Variants in SLX4IP observed in about 807,000 individuals in gnomAD.
SLX4IP encodes protein SLX4IP.
Under a neutral mutation model 32.9 loss-of-function variants are expected in SLX4IP, and 34 were observed. The observed-to-expected ratio is 1.03, with a 90% CI of 0.79 to 1.38. The LOEUF (loss-of-function observed/expected upper bound fraction) is 1.38. SLX4IP is among the 40% of genes most tolerant of loss of function. SLX4IP has a pLI of 0.00. For missense variants in SLX4IP, 444 were observed against 479.0 expected, an observed-to-expected ratio of 0.93 and a Z score of 0.68; for synonymous variants, 172 against 171.7, an observed-to-expected ratio of 1.00 and a Z score of -0.01.
In SLX4IP at chr20:10,574,538, T is replaced by C. The variant is rs140453160; in HGVS notation, c.238+13718T>C. Among the ~76,000 whole-genome samples the C allele has an allele frequency of 2.8e-3, 427 of 152,248 alleles. 1 individual carries two copies. Among genetic ancestry groups the C allele is most frequent in the African/African-American group, 9.7e-3 (405 of 41,550 alleles). On this transcript the variant is annotated intron_variant, in intron 4 of 7. Transcript: ENST00000334534. ...TTTTATGGTGACACAACTCCAGTAT[T>C]ACTTTTGCATCTGCTTGGGCTTGTT...
At chr20:10,445,896 G>C (rs1375213655) in intron 1 of SLX4IP, among the ~76,000 whole-genome samples, 2 of 148,816 alleles carry the variant, frequency 1.3e-5, no homozygotes, top group Admixed American at 1.3e-4. Flanking sequence ...AAACTGCTGG[G>C]ATTACAGCCA....
chr20:10,577,052 A>AT (rs1277778238), intron 4 of SLX4IP, among the ~76,000 whole-genome samples: 1 of 152,144 alleles, frequency 6.6e-6, no homozygotes, highest in Non-Finnish European at 1.5e-5. Context: ...AATTCTCATT[A>AT]TTTACAAGAA....
At chr20:10,525,304 C>A (rs1054746042) in intron 2 of SLX4IP, among the ~76,000 whole-genome samples, 1 of 152,064 alleles carries the variant, frequency 6.6e-6, no homozygotes, top group Admixed American at 6.5e-5. Context: ...CTCTTTTTAC[C>A]TGTTTATACA....
chr20:10,503,122 C>G (rs1233574111), intron 2 of SLX4IP, among the ~76,000 whole-genome samples: 1 of 152,216 alleles, frequency 6.6e-6, no homozygotes, highest in Non-Finnish European at 1.5e-5. Context: ...ACCCTGCCAT[C>G]TGTCCTCCCA....
At chr20:10,600,709 G>C (rs1042215156) in intron 5 of SLX4IP, among the ~76,000 whole-genome samples, 3 of 152,106 alleles carry the variant, frequency 2.0e-5, no homozygotes, top group Non-Finnish European at 4.4e-5. Context: ...GTACCTAAAA[G>C]GCTTTACTCA....
intron 1 of SLX4IP, among the ~76,000 whole-genome samples, chr20:10,441,414 G>GC (rs1184056772): frequency 6.6e-6 from 1 of 152,100 alleles, no homozygotes; most frequent in African/African-American, 2.4e-5. Flanking sequence ...TGCAGCCCGG[G>GC]CAACAGACCG....
intron 6 of SLX4IP, among the ~76,000 whole-genome samples, chr20:10,620,444 G>C (rs942410429): frequency 6.6e-6 from 1 of 152,188 alleles, no homozygotes; most frequent in African/African-American, 2.4e-5. Flanking sequence ...GTGGTGGTTA[G>C]TATAAGGAAA....
chr20:10,569,724 A>G (rs975246393), intron 4 of SLX4IP, among the ~76,000 whole-genome samples: 1 of 152,070 alleles, frequency 6.6e-6, no homozygotes, highest in East Asian at 1.9e-4. Context: ...AGATTAAAGT[A>G]TTGGCAAGTT....
intron 1 of SLX4IP, among the ~76,000 whole-genome samples, chr20:10,444,560 T>C (rs1324272900): frequency 6.6e-6 from 1 of 152,206 alleles, no homozygotes; most frequent in East Asian, 1.9e-4. Flanking sequence ...GTATTTTTAG[T>C]AGAGGTGGGG....
chr20:10,589,584 G>A (rs1250291377), intron 4 of SLX4IP, among the ~76,000 whole-genome samples: 1 of 152,122 alleles, frequency 6.6e-6, no homozygotes, highest in Non-Finnish European at 1.5e-5. Context: ...TGACAGACCT[G>A]GCAACCAGGG....
intron 4 of SLX4IP, among the ~76,000 whole-genome samples, chr20:10,598,283 A>G (rs746931443): frequency 5.3e-4 from 81 of 152,194 alleles, no homozygotes; most frequent in Non-Finnish European, 7.2e-4. Flanking sequence ...AATTATTATT[A>G]TTTTAGATAG....
At chr20:10,548,272 T>C (rs1391309293) in intron 2 of SLX4IP, among the ~76,000 whole-genome samples, 2 of 152,034 alleles carry the variant, frequency 1.3e-5, no homozygotes, top group Non-Finnish European at 2.9e-5. Context: ...GGAGTCTCGC[T>C]CTGTCGCCCA....
chr20:10,450,250 T>C (rs2065231138), intron 1 of SLX4IP, among the ~76,000 whole-genome samples: 1 of 152,236 alleles, frequency 6.6e-6, no homozygotes, highest in Non-Finnish European at 1.5e-5. Context: ...CCTGGTTCCA[T>C]GTCTAGCTGA....
At chr20:10,545,039 T>C (rs529217020) in intron 2 of SLX4IP, among the ~76,000 whole-genome samples, 21 of 152,228 alleles carry the variant, frequency 1.4e-4, no homozygotes, top group Admixed American at 5.9e-4. Flanking sequence ...ATTGAGTAGG[T>C]CTGAGTAGGA....
At chr20:10,591,957 C>T (rs947598331) in intron 4 of SLX4IP, among the ~76,000 whole-genome samples, 3 of 152,170 alleles carry the variant, frequency 2.0e-5, no homozygotes, top group Admixed American at 6.5e-5. Context: ...TCTGGCATTA[C>T]CTACAAAGTC....
chr20:10,520,332 GAGCC>G (rs1456347629), intron 2 of SLX4IP, among the ~76,000 whole-genome samples: 4 of 152,066 alleles, frequency 2.6e-5, no homozygotes, highest in African/African-American at 7.2e-5. Context: ...TTTCAGGCGT[GAGCC>G]ACTGCGCCCG....
chr20:10,616,169 C>G (rs1477701011), intron 6 of SLX4IP, among the ~76,000 whole-genome samples: 4 of 152,064 alleles, frequency 2.6e-5, no homozygotes, highest in Non-Finnish European at 5.9e-5. Flanking sequence ...TTCTCCCACT[C>G]TCTATATCCC....
chr20:10,463,280 C>T (rs1229907314), intron 2 of SLX4IP, among the ~76,000 whole-genome samples: 1 of 152,174 alleles, frequency 6.6e-6, no homozygotes, highest in Non-Finnish European at 1.5e-5. Context: ...TGTGTGGTTG[C>T]ATTCTTTAGT....
At chr20:10,465,302 C>A (rs1767191430) in intron 2 of SLX4IP, among the ~76,000 whole-genome samples, 1 of 152,100 alleles carries the variant, frequency 6.6e-6, no homozygotes, top group Admixed American at 6.5e-5. Context: ...CACATGCCAG[C>A]TGCTTGTTTT....
Sources: gnomAD v4.1 joint callset for allele counts (sites outside exome capture counted in the v4.1 genomes callset) on GRCh38, gnomAD v4.1.1 for gene constraint, MANE v1.5 for transcripts, NCBI Gene and HGNC (gene_info 2026-07-23, HGNC 2026-07-21) for gene names.